Variants in PTPN4 observed in about 807,000 individuals in gnomAD.
PTPN4 encodes the protein tyrosine-protein phosphatase non-receptor type 4.
Under a neutral mutation model 135.5 loss-of-function variants are expected in PTPN4, and 49 were observed. That is an observed-to-expected ratio of 0.36 (90% CI 0.29 to 0.46). PTPN4 has a LOEUF of 0.46. Ranked by LOEUF, PTPN4 falls within the 20% of genes least tolerant of loss-of-function variation. The probability of loss-of-function intolerance (pLI) is 1.00; values close to 1 mark genes in which losing one functional copy is unlikely to be tolerated. For missense variants in PTPN4, 860 were observed against 1,101.0 expected, an observed-to-expected ratio of 0.78 and a Z score of 3.10; for synonymous variants, 333 against 369.9, an observed-to-expected ratio of 0.90 and a Z score of 1.14.
Position 119,977,427 on chromosome 2 carries a change from A to G in PTPN4, c.*357A>G, listed in dbSNP as rs1243783946. 1.2e-5 allele frequency: 2 copies of G among 166,004 alleles called. No homozygotes were observed. Among genetic ancestry groups the G allele is most frequent in the African/African-American group, 2.4e-5 (1 of 41,814 alleles). The allele number at this position is 166,004 out of a possible 1,614,324, so 10.3% of individuals were successfully genotyped here. On this transcript the variant is annotated 3_prime_UTR_variant, in exon 27 of 27. Coordinates refer to ENST00000263708, the MANE Select transcript of PTPN4 (RefSeq NM_002830.4). The stretch of plus-strand genomic sequence containing the variant: ...TCTCTGTTATACACCTGTATCATGA[A>G]AGCAAAAAGAAGTAAACATCAGGAG...
At chr2:119,848,986 TC>T (rs1481413067) in intron 2 of PTPN4, among the ~76,000 whole-genome samples, 2 of 152,218 alleles carry the variant, frequency 1.3e-5, no homozygotes, top group Non-Finnish European at 2.9e-5. Context: ...TCAGTTCAGA[TC>T]TACTGGTGAG....
intron 12 of PTPN4, among the ~76,000 whole-genome samples, chr2:119,920,531 A>G (rs549935352): frequency 3.3e-5 from 5 of 152,124 alleles, no homozygotes; most frequent in Non-Finnish European, 7.4e-5. Flanking sequence ...CATAATTTCT[A>G]TTGTGTCTTT....
chr2:119,877,676 C>A, intron 5 of PTPN4, 134 bp downstream of exon 5: 1 of 1,205,694 alleles, frequency 8.3e-7, no homozygotes, highest in Non-Finnish European at 1.1e-6. Context: ...TAAGTTATGG[C>A]TATTCCAAGA....
intron 2 of PTPN4, among the ~76,000 whole-genome samples, chr2:119,854,169 G>T (rs189412558): frequency 1.3e-5 from 2 of 152,218 alleles, no homozygotes; most frequent in East Asian, 1.9e-4. Flanking sequence ...GCAAATGCAG[G>T]TCTCCATGAT....
intron 2 of PTPN4, among the ~76,000 whole-genome samples, chr2:119,855,875 C>G (rs1677669487): frequency 6.6e-6 from 1 of 152,102 alleles, no homozygotes; most frequent in Non-Finnish European, 1.5e-5. Flanking sequence ...GCGATCTCAG[C>G]TTACTGCAAA....
chr2:119,780,279 T>C (rs1690912867), intron 1 of PTPN4, among the ~76,000 whole-genome samples: 1 of 152,208 alleles, frequency 6.6e-6, no homozygotes, highest in South Asian at 2.1e-4. Context: ...CAGCATGTAA[T>C]CATGCATCTT....
intron 2 of PTPN4, 146 bp downstream of exon 2, chr2:119,810,137 A>G (rs1278237133): frequency 3.3e-6 from 3 of 913,828 alleles, no homozygotes; most frequent in Non-Finnish European, 3.1e-6. Context: ...ATTGTATTAG[A>G]TGCATGCTCT....
Position 119,845,179 on chromosome 2 carries a change from CG to C in PTPN4, c.139-17356del, listed in dbSNP as rs1244742042. Among the ~76,000 whole-genome samples, 5 of 137,312 alleles carry C rather than the reference CG, an allele frequency of 3.6e-5. No homozygotes were observed. The Admixed American group carries it at 3.8e-4, about 10-fold the overall frequency. 90.1% of individuals were successfully genotyped at this position (137,312 alleles called of 152,430 possible). A position where few individuals can be genotyped will look rare whatever the true frequency, so the allele number is the denominator to read the frequency against. On this transcript the variant is annotated intron_variant, in intron 2 of 26. Coordinates refer to ENST00000263708, the MANE Select transcript of PTPN4 (RefSeq NM_002830.4). ...ATCAGGCAGGGAGGTTGCAGTGAGCCGAGATGGCAGCAGTACAGTCCAGCTT... is the reference window on the plus strand; with the variant it reads ...ATCAGGCAGGGAGGTTGCAGTGAGCCAGATGGCAGCAGTACAGTCCAGCTT...
intron 20 of PTPN4, among the ~76,000 whole-genome samples, chr2:119,955,704 G>A (rs1002568959): frequency 3.3e-5 from 5 of 152,080 alleles, no homozygotes; most frequent in Non-Finnish European, 7.4e-5. Flanking sequence ...TTGGGAGGCC[G>A]AGGCGGGCGG....
chr2:119,773,132 A>G (rs1040631919), intron 1 of PTPN4, among the ~76,000 whole-genome samples: 1 of 152,154 alleles, frequency 6.6e-6, no homozygotes, highest in Non-Finnish European at 1.5e-5. Context: ...CATTTCTTAT[A>G]TTCTTCAAAT....
At chr2:119,809,219 C>A (rs1691534910) in intron 1 of PTPN4, among the ~76,000 whole-genome samples, 1 of 151,420 alleles carries the variant, frequency 6.6e-6, no homozygotes, top group African/African-American at 2.4e-5. Flanking sequence ...ACTGTGATTT[C>A]TGTTGTTTTA....
chr2:119,884,804 G>T (rs987659470), intron 8 of PTPN4, among the ~76,000 whole-genome samples: 2 of 151,882 alleles, frequency 1.3e-5, no homozygotes, highest in Admixed American at 6.6e-5. Flanking sequence ...GAAGTGTACT[G>T]TTTTTTTTGA....
chr2:119,948,050 T>C (rs1476440830), intron 18 of PTPN4, among the ~76,000 whole-genome samples: 1 of 152,084 alleles, frequency 6.6e-6, no homozygotes, highest in Non-Finnish European at 1.5e-5. Flanking sequence ...GGGGATATTA[T>C]GTATAAAATG....
intron 2 of PTPN4, among the ~76,000 whole-genome samples, chr2:119,844,509 G>A (rs1246058436): frequency 4.8e-5 from 7 of 146,696 alleles, no homozygotes; most frequent in Admixed American, 2.0e-4. Flanking sequence ...GGTGGTTGCC[G>A]GGCAGAGGGT....
intron 2 of PTPN4, among the ~76,000 whole-genome samples, chr2:119,833,349 A>G (rs1386887192): frequency 6.6e-6 from 1 of 151,666 alleles, no homozygotes; most frequent in Non-Finnish European, 1.5e-5. Flanking sequence ...CCTTTTTCCT[A>G]TTCTAATGGT....
chr2:119,776,069 C>T (rs532952995), intron 1 of PTPN4, among the ~76,000 whole-genome samples: 1 of 152,140 alleles, frequency 6.6e-6, no homozygotes, highest in Non-Finnish European at 1.5e-5. Flanking sequence ...TCCACTTATT[C>T]AAGACTGCCT....
chr2:119,937,888 T>C (rs11689184), intron 15 of PTPN4, among the ~76,000 whole-genome samples: 107,006 of 151,214 alleles, frequency 0.71, 38,053 homozygotes, highest in East Asian at 0.83. Flanking sequence ...TCCATGATGG[T>C]GCCTGTGGAT....
chr2:119,932,224 C>T, intron 13 of PTPN4, 200 bp from the exon 14 acceptor site: 5 of 395,996 alleles, frequency 1.3e-5, no homozygotes, highest in South Asian at 4.5e-5. Flanking sequence ...CCTGTCTTAC[C>T]TTTATTCTTC....
chr2:119,957,173 T>C (rs1679300997), intron 22 of PTPN4, 96 bp downstream of exon 22: 7 of 1,116,834 alleles, frequency 6.3e-6, no homozygotes, highest in African/African-American at 1.6e-5. Context: ...CTGGATAGAA[T>C]ATTAAAACTT....
Sources: allele counts gnomAD v4.1 joint callset (sites outside exome capture counted in the v4.1 genomes callset), GRCh38; gene constraint gnomAD v4.1.1; transcripts MANE v1.5; gene names NCBI Gene and HGNC (gene_info 2026-07-23, HGNC 2026-07-21).